The following DHRSX variants were observed in gnomAD, a reference collection of about 807,000 sequenced individuals.
DHRSX encodes the protein dehydrogenase/reductase X-linked, also known as polyprenol dehydrogenase.
DHRSX carries 31 observed loss-of-function variants against 34.0 expected under a neutral mutation model. The observed-to-expected ratio is 0.91, with a 90% confidence interval of 0.69 to 1.23. The LOEUF is 1.23. DHRSX is among the 50% of genes most tolerant of loss of function. DHRSX has a pLI of 0.00. For missense variants in DHRSX, 414 were observed against 428.1 expected, an observed-to-expected ratio of 0.97 and a Z score of 0.29; for synonymous variants, 201 against 183.8, an observed-to-expected ratio of 1.09 and a Z score of -0.76.
chrX:2,357,278 G>T (rs2042867382), intron 3 of DHRSX, among the ~76,000 whole-genome samples: 2 of 151,854 alleles, frequency 1.3e-5, no homozygotes, highest in African/African-American at 2.4e-5. Context: ...ATGGATTTTT[G>T]ACTGTGTGAG....
intron 3 of DHRSX, among the ~76,000 whole-genome samples, chrX:2,348,300 T>C (rs2042745356): frequency 6.6e-6 from 1 of 152,140 alleles, no homozygotes; most frequent in South Asian, 2.1e-4. Context: ...CTAAGCTTGG[T>C]GCAGATTAAA....
chrX:2,302,603 C>T (rs1022572023), intron 3 of DHRSX, among the ~76,000 whole-genome samples: 10 of 120,776 alleles, frequency 8.3e-5, no homozygotes, highest in African/African-American at 2.9e-4. Flanking sequence ...CAGAGCCAGA[C>T]TGTCTCAAAA....
chrX:2,366,873 T>C (rs1354137388), intron 3 of DHRSX, among the ~76,000 whole-genome samples: 3 of 152,122 alleles, frequency 2.0e-5, no homozygotes, highest in African/African-American at 7.2e-5. Flanking sequence ...GTGCTGGGAT[T>C]ACAGGCAGGA....
intron 1 of DHRSX, among the ~76,000 whole-genome samples, chrX:2,436,505 A>G (rs1435008966): frequency 6.7e-6 from 1 of 149,464 alleles, no homozygotes; most frequent in African/African-American, 2.4e-5. Flanking sequence ...TATTACTACT[A>G]CTACTACTGA....
In DHRSX at chrX:2,425,236, C is replaced by T. The variant is rs371362282; in HGVS notation, c.178G>A (p.Ala60Thr). The change falls in exon 2 of 7, where the codon GCG becomes ACG. Residue 60 changes from alanine to threonine, a missense_variant. Transcript: ENST00000334651. ...GGTDGIGYST[A>T]KHLARLGMHV... ...ATGCCAAGTCTCGCCAGATGCTTCG[C>T]TGTAGAATAGCCAATGCCATCTGTC... 466 of 1,613,854 alleles carry T rather than the reference C, an allele frequency of 2.9e-4. 5 individuals are homozygous for T. The South Asian group carries it at 4.2e-3, about 15-fold the overall frequency.
intron 1 of DHRSX, among the ~76,000 whole-genome samples, chrX:2,467,876 G>A (rs1346267500): frequency 2.0e-5 from 3 of 150,982 alleles, no homozygotes; most frequent in African/African-American, 2.4e-5. Flanking sequence ...CAGGAGAATC[G>A]CTTGAACCCA....
At position 2,407,494 on chromosome X, in the gene DHRSX, C is replaced by A. The variant is rs181131354; in HGVS notation, c.286+1251G>T. Among the ~76,000 whole-genome samples the A allele has an allele frequency of 2.1e-3, 318 of 152,266 alleles. 1 individual carries two copies. The highest frequency in any genetic ancestry group is 7.3e-3 in the African/African-American group (304 of 41,558). On this transcript the variant is annotated intron_variant, in intron 3 of 6. Transcript: ENST00000334651. ...AGTTCTGTGCGTGGATGATTAAAGG[C>A]CAGGTTCTGAGGCCTAAGCAAACTA...
intron 3 of DHRSX, among the ~76,000 whole-genome samples, chrX:2,312,395 T>G (rs2042174413): frequency 6.6e-6 from 1 of 151,840 alleles, no homozygotes; most frequent in Non-Finnish European, 1.5e-5. Context: ...TATGCAGCCA[T>G]AAAAAAGGAT....
intron 3 of DHRSX, among the ~76,000 whole-genome samples, chrX:2,298,405 A>C (rs1310061052): frequency 1.3e-5 from 2 of 151,412 alleles, no homozygotes; most frequent in Admixed American, 1.3e-4. Context: ...AAAAAAAAAA[A>C]AAACAATTTT....
chrX:2,376,839 C>T (rs2124606279), intron 3 of DHRSX, among the ~76,000 whole-genome samples: 1 of 152,122 alleles, frequency 6.6e-6, no homozygotes, highest in East Asian at 1.9e-4. Context: ...ACTAAAAATA[C>T]AAAAATTAGC....
intron 3 of DHRSX, among the ~76,000 whole-genome samples, chrX:2,310,965 G>A (rs1316137319): frequency 2.0e-5 from 3 of 151,894 alleles, no homozygotes; most frequent in Non-Finnish European, 2.9e-5. Context: ...GGAGGCTGAG[G>A]CAGGAGAATC....
chrX:2,267,706 G>A (rs1287662639), intron 4 of DHRSX, among the ~76,000 whole-genome samples: 5 of 152,094 alleles, frequency 3.3e-5, no homozygotes, highest in Non-Finnish European at 7.3e-5. Context: ...CAGCCTTTGG[G>A]TAGGTGAGTA....
At chrX:2,309,885 C>T (rs2042143172) in intron 3 of DHRSX, among the ~76,000 whole-genome samples, 1 of 152,086 alleles carries the variant, frequency 6.6e-6, no homozygotes, top group Non-Finnish European at 1.5e-5. Flanking sequence ...TGCACCTCTG[C>T]ACTCCAGCTT....
chrX:2,291,456 G>T, intron 4 of DHRSX, 46 bp downstream of exon 4: 1 of 1,429,428 alleles, frequency 7.0e-7, no homozygotes, highest in Non-Finnish European at 9.9e-7. Context: ...GTTCCTGTTT[G>T]CATTCAAATT....
At chrX:2,246,700 A>AAG (rs1211240672) in intron 5 of DHRSX, among the ~76,000 whole-genome samples, 14 of 116,278 alleles carry the variant, frequency 1.2e-4, no homozygotes, top group African/African-American at 4.3e-4. Flanking sequence ...AAAGAAAAGA[A>AAG]AGAAAGAGAA....
intron 3 of DHRSX, among the ~76,000 whole-genome samples, chrX:2,303,720 GTAGATGGATGGATAGGTGGA>G (rs1190767600): frequency 6.7e-6 from 1 of 149,794 alleles, no homozygotes; most frequent in Non-Finnish European, 1.5e-5. Context: ...GGAAGGATGG[GTAGATGGATGGATAGGTGGA>G]TGGATGGATG....
At chrX:2,287,548 G>T (rs2041818649) in intron 4 of DHRSX, among the ~76,000 whole-genome samples, 1 of 151,152 alleles carries the variant, frequency 6.6e-6, no homozygotes, top group Non-Finnish European at 1.5e-5. Context: ...CCCCGAAGAT[G>T]TCCATATCCG....
intron 3 of DHRSX, among the ~76,000 whole-genome samples, chrX:2,300,201 T>C (rs2041994563): frequency 2.0e-5 from 3 of 152,282 alleles, no homozygotes; most frequent in Middle Eastern, 3.4e-3. Flanking sequence ...CCTTCATTTT[T>C]TCTTTGCAAT....
intron 1 of DHRSX, chrX:2,490,271 T>C: frequency 6.2e-7 from 1 of 1,613,806 alleles, no homozygotes; most frequent in Non-Finnish European, 8.5e-7. Context: ...CAGCAGCACC[T>C]TGAAGGTGGG....
Sources: gnomAD v4.1 joint callset for allele counts (sites outside exome capture counted in the v4.1 genomes callset) on GRCh38, gnomAD v4.1.1 for gene constraint, MANE v1.5 for transcripts, NCBI Gene and HGNC (gene_info 2026-07-23, HGNC 2026-07-21) for gene names.